The following SLC66A1 variants were observed in gnomAD, a reference collection of about 807,000 sequenced individuals.
SLC66A1 encodes solute carrier family 66 member 1, also known as lysosomal amino acid transporter 1 homolog.
In SLC66A1, 23 loss-of-function variants were observed where a neutral mutation model predicts 33.0. The ratio of observed to expected loss-of-function variants is 0.70; its 90% confidence interval spans 0.50 to 0.99. SLC66A1 has a LOEUF of 0.99. Among genes scored for constraint, SLC66A1 ranks in the 50% least tolerant of loss-of-function variants. SLC66A1 has a pLI of 0.00. For missense variants in SLC66A1, 335 were observed against 383.6 expected (o/e 0.87, Z 1.06); for synonymous variants, 164 against 175.5 (o/e 0.93, Z 0.52).
chr1:19,327,182 A>T, intron 6 of SLC66A1, 45 bp from the exon 7 acceptor site: 1 of 1,526,080 alleles, frequency 6.6e-7, no homozygotes, highest in South Asian at 1.1e-5. Context: ...CCAGAGTGAC[A>T]AGAGGCCTGT....
rs375493505 is a variant in SLC66A1 at position 19,321,442 on chromosome 1, G to T, written c.165-3191G>T. Among the ~76,000 whole-genome samples, 13 of 149,570 alleles carry T rather than the reference G, an allele frequency of 8.7e-5. 2 individuals are homozygous for T. On this transcript the variant is annotated intron_variant, in intron 2 of 7. Coordinates refer to ENST00000375153, the MANE Select transcript of SLC66A1 (RefSeq NM_001040125.2). ...CAATCCTCCTGTCTCAGCCTCCAAA[G>T]TGTTGGGGTTCAAGCATGAGCCATT...
chr1:19,325,499 A>G lies in SLC66A1; in HGVS notation c.299A>G (p.Tyr100Cys), dbSNP rs1334672064. ...GGCCCCCTGCATCTCTTACAGACCT[A>G]CACGGCTGTGTATTATGTCTTGGCA... The part of the protein sequence containing the change: ...FLADQLPLQT[Y>C]TAVYYVLADL... Residue 100 changes from tyrosine (Y) to cysteine (C), a missense_variant, in exon 4 of 8, where the codon TAC becomes TGC. By Grantham distance (194) the Tyr-to-Cys change is radical (BLOSUM62 -2). Coordinates refer to ENST00000375153, the MANE Select transcript of SLC66A1 (RefSeq NM_001040125.2). The G allele has an allele frequency of 6.2e-7, 1 of 1,605,658 alleles. No individual in the cohort carries two copies. Among genetic ancestry groups the G allele is most frequent in the South Asian group, 1.1e-5 (1 of 90,886 alleles).
chr1:19,317,846 G>C lies in SLC66A1; in HGVS notation c.164+5G>C. The C allele has an allele frequency of 1.2e-6, 2 of 1,612,760 alleles. No homozygotes were observed. The highest frequency in any genetic ancestry group is 1.3e-5 in the African/African-American group (1 of 75,020). ...CTTTGCTGCATCTACCTTCCCGTGA[G>C]TAGTGTCTTGGTGGCAGGACCAGGG... On this transcript the variant is annotated splice_donor_5th_base_variant and intron_variant, in intron 2 of 7. Transcript: ENST00000375153.
chr1:19,314,356 T>C (rs1216559981), intron 1 of SLC66A1, among the ~76,000 whole-genome samples: 1 of 151,986 alleles, frequency 6.6e-6, no homozygotes, highest in African/African-American at 2.4e-5. Context: ...TTTCATTTCC[T>C]CCTTAACCTA....
chr1:19,325,543 CT>C lies in SLC66A1; in HGVS notation c.344del (p.Leu115ArgfsTer35). The C allele has an allele frequency of 6.2e-7, 1 of 1,605,772 alleles. No individual in the cohort carries two copies. Among genetic ancestry groups the C allele is most frequent in the Non-Finnish European group, 8.5e-7 (1 of 1,174,528 alleles). On this transcript the variant is annotated frameshift_variant, in exon 4 of 8. Coordinates refer to ENST00000375153, the MANE Select transcript of SLC66A1 (RefSeq NM_001040125.2). LOFTEE classifies it high-confidence loss of function. ...YVLADLVMLT[L>X]YFYYKFRTRP... ...CTTGGCAGACCTGGTGATGCTGACG[CT>C]GTACTTTTACTACAAGTTCAGGACG...
chr1:19,324,538 C>G (rs2093853391), intron 2 of SLC66A1, 95 bp from the exon 3 acceptor site: 1 of 1,475,394 alleles, frequency 6.8e-7, no homozygotes, highest in Non-Finnish European at 9.3e-7. Flanking sequence ...CCGCCTCGAT[C>G]CCCATGGTCG....
chr1:19,314,101 A>G (rs1370305696), intron 1 of SLC66A1, among the ~76,000 whole-genome samples: 2 of 152,188 alleles, frequency 1.3e-5, no homozygotes, highest in African/African-American at 4.8e-5. Flanking sequence ...CCATTTGCTC[A>G]GAGCTGTTTG....
Position 19,319,621 on chromosome 1 carries a change from T to TTTTTG in SLC66A1, c.164+1780_164+1781insTTTTG, listed in dbSNP as rs1343830305. Among the ~76,000 whole-genome samples the TTTTTG allele has an allele frequency of 2.7e-4, 40 of 149,156 alleles. 1 individual carries two copies. The highest frequency in any genetic ancestry group is 8.9e-4 in the African/African-American group (35 of 39,420). On this transcript the variant is annotated intron_variant, in intron 2 of 7. Coordinates refer to ENST00000375153, the MANE Select transcript of SLC66A1 (RefSeq NM_001040125.2). ...CACATTCATGTTTTTTTTTTTTTTT[T>TTTTTG]GCCTGGTGCAGTGGCTCACACCTGT...
Position 19,324,616 on chromosome 1 carries a change from C to T in SLC66A1, c.165-17C>T. 6.2e-7 allele frequency: 1 copy of T among 1,613,634 alleles called. No individual in the cohort carries two copies. Among genetic ancestry groups the T allele is most frequent in the East Asian group, 2.2e-5 (1 of 44,880 alleles). On this transcript the variant is annotated splice_polypyrimidine_tract_variant and intron_variant, in intron 2 of 7. Coordinates refer to ENST00000375153, the MANE Select transcript of SLC66A1 (RefSeq NM_001040125.2). ...AGGTGGCCTGAGCATGCATCCCTTC[C>T]TCTTCCTCTTCCACAGCCAGTTCAT...
intron 2 of SLC66A1, among the ~76,000 whole-genome samples, chr1:19,319,605 G>GTTTTTTTTTTGTTTTTTTTTTT (rs56769657): frequency 3.6e-5 from 4 of 111,868 alleles, no homozygotes; most frequent in African/African-American, 1.6e-4. Flanking sequence ...GCACATTCAT[G>GTTTTTTTTTTGTTTTTTTTTTT]TTTTTTTTTT....
At position 19,326,344 on chromosome 1, in the gene SLC66A1, C is replaced by A. The variant is rs372011094; in HGVS notation, c.482C>A (p.Ala161Asp). 139 of 1,606,668 alleles carry A rather than the reference C, an allele frequency of 8.7e-5. 1 individual carries two copies. The highest frequency in any genetic ancestry group is 5.8e-4 in the South Asian group (53 of 90,980). Residue 161 changes from alanine (A) to aspartate (D), a missense_variant, in exon 5 of 8, where the codon GCC (alanine) becomes GAC (aspartate). Physicochemically the swap from Ala to Asp is moderately radical, Grantham distance 126 (BLOSUM62 -2). Transcript: ENST00000375153. ...GGGCCCGTGGCTGCCCCTAGGGAAGCCTTCCGGGGGCGGGCGCTCCTGTCC... is the reference window on the plus strand; with the variant it reads ...GGGCCCGTGGCTGCCCCTAGGGAAGACTTCCGGGGGCGGGCGCTCCTGTCC... ...AAGPVAAPRE[A>D]FRGRALLSVE... is the part of the protein sequence containing the mutation.
rs1199190806 is a variant in SLC66A1, at chr1:19,324,671, A to G, written c.203A>G (p.Gln68Arg). The G allele has an allele frequency of 2.5e-6, 4 of 1,614,202 alleles. No homozygotes were observed. In the East Asian group the frequency reaches 8.9e-5, roughly 36 times the overall value. Residue 68 changes from glutamine to arginine, a missense_variant, in exon 3 of 8, where the codon CAG (glutamine) becomes CGG (arginine). Physicochemically the swap from Gln to Arg is conservative, Grantham distance 43. Transcript: ENST00000375153. The part of the protein sequence containing the change: ...IKAYKTGNMD[Q>R]ALSLWFLLGW... ...GCCTACAAGACGGGCAACATGGACC[A>G]GGCGCTGTCCCTGTGGTTCCTCCTG...
At chr1:19,314,267 C>T (rs769873919) in intron 1 of SLC66A1, among the ~76,000 whole-genome samples, 35 of 152,206 alleles carry the variant, frequency 2.3e-4, no homozygotes, top group Non-Finnish European at 4.0e-4. Flanking sequence ...GGGACACCCA[C>T]CCAGTATCCT....
At chr1:19,323,118 AT>A (rs2093846258) in intron 2 of SLC66A1, among the ~76,000 whole-genome samples, 1 of 150,570 alleles carries the variant, frequency 6.6e-6, no homozygotes, top group African/African-American at 2.4e-5. Flanking sequence ...GGCTCAAGTG[AT>A]TCTCTTGCCT....
intron 1 of SLC66A1, among the ~76,000 whole-genome samples, chr1:19,313,560 C>A (rs61764952): frequency 0.11 from 16,279 of 152,060 alleles, 1,177 homozygotes; most frequent in Admixed American, 0.16. Context: ...GTCCAGCCAG[C>A]TCTCATGGGG....
At chr1:19,330,424 G>C (rs1428901653), downstream of SLC66A1, among the ~76,000 whole-genome samples, 31 of 152,218 alleles carry the variant, frequency 2.0e-4, no homozygotes, top group Non-Finnish European at 1.5e-5. Flanking sequence ...CCTCCACTCA[G>C]CCTTTGCTGT....
rs1254240631 is a variant in SLC66A1, at chr1:19,327,111, A to G, written c.619-116A>G. 1.6e-5 allele frequency: 17 copies of G among 1,077,036 alleles called. No homozygotes were observed. In the Admixed American group the frequency reaches 3.9e-4, roughly 24 times the overall value. 66.7% of individuals were successfully genotyped at this position (1,077,036 alleles called of 1,614,324 possible). A position where few individuals can be genotyped will look rare whatever the true frequency, so the allele number is the denominator to read the frequency against. ...GGCCCATATCCCTGGGCACCCAGGG[A>G]AAGATTGGCTCAGAGCAGGTGCACT... On this transcript the variant is annotated intron_variant, in intron 6 of 7. Transcript: ENST00000375153.
intron 2 of SLC66A1, among the ~76,000 whole-genome samples, chr1:19,322,660 A>G (rs1394916480): frequency 6.6e-6 from 1 of 152,096 alleles, no homozygotes; most frequent in Admixed American, 6.5e-5. Flanking sequence ...AGGAACCGAC[A>G]TTTCCTGAGA....
intron 2 of SLC66A1, among the ~76,000 whole-genome samples, chr1:19,322,597 C>T (rs947297981): frequency 6.6e-6 from 1 of 152,120 alleles, no homozygotes; most frequent in Non-Finnish European, 1.5e-5. Context: ...TCAAGTGTTT[C>T]AAAGGAGGAA....
Sources: allele counts gnomAD v4.1 joint callset (sites outside exome capture counted in the v4.1 genomes callset), GRCh38; gene constraint gnomAD v4.1.1; transcripts MANE v1.5; gene names NCBI Gene and HGNC (gene_info 2026-07-23, HGNC 2026-07-21).